Variants in VPS35L observed in about 807,000 individuals in gnomAD.
VPS35L encodes the protein VPS35 endosomal protein-sorting factor-like.
In VPS35L, 83 loss-of-function variants were observed where a neutral mutation model predicts 133.0. The ratio of observed to expected loss-of-function variants is 0.62; its 90% CI spans 0.52 to 0.75. The LOEUF (loss-of-function observed/expected upper bound fraction) is 0.75, where lower values mean the gene tolerates loss of function less well. Ranked by LOEUF, VPS35L falls within the 30% of genes least tolerant of loss-of-function variation. VPS35L has a pLI of 0.00. For synonymous variants in VPS35L, 423 were observed against 449.9 expected, an observed-to-expected ratio of 0.94 and a Z score of 0.76; for missense variants, 1,083 against 1,206.8, an observed-to-expected ratio of 0.90 and a Z score of 1.52.
chr16:19,573,024 C>T, intron 3 of VPS35L, 95 bp from the exon 4 acceptor site: 1 of 1,330,748 alleles, frequency 7.5e-7, no homozygotes, highest in Non-Finnish European at 1.0e-6. Context: ...TCTTTTATTC[C>T]ACAGTAAAGG....
intron 29 of VPS35L, among the ~76,000 whole-genome samples, chr16:19,692,930 C>T (rs2151627705): frequency 6.6e-6 from 1 of 152,320 alleles, no homozygotes; most frequent in South Asian, 2.1e-4. Flanking sequence ...TTCTGGCCTC[C>T]AAGTTCAGGG....
intron 12 of VPS35L, among the ~76,000 whole-genome samples, chr16:19,615,069 G>A (rs879240718): frequency 4.6e-5 from 7 of 152,248 alleles, no homozygotes; most frequent in Admixed American, 2.0e-4. Context: ...AGCATGTAAC[G>A]GGGGCAGCAC....
At chr16:19,617,178 A>G (rs938035992) in intron 14 of VPS35L, 2 of 538,284 alleles carry the variant, frequency 3.7e-6, no homozygotes, top group Non-Finnish European at 6.6e-6. Flanking sequence ...CAACATAGCA[A>G]AACTCCATCT....
chr16:19,559,091 G>T (rs1196577814), intron 1 of VPS35L, among the ~76,000 whole-genome samples: 1 of 152,204 alleles, frequency 6.6e-6, no homozygotes, highest in Non-Finnish European at 1.5e-5. Flanking sequence ...AATTAAAATA[G>T]TTGAGCAAAG....
chr16:19,590,691 G>GT (rs1165941078), intron 7 of VPS35L, among the ~76,000 whole-genome samples: 2 of 152,140 alleles, frequency 1.3e-5, no homozygotes. Flanking sequence ...GCTCATACCT[G>GT]TATTTCCAGC....
chr16:19,628,776 TTTTTA>T, intron 17 of VPS35L, 23 bp downstream of exon 17: 1 of 923,574 alleles, frequency 1.1e-6, no homozygotes. Context: ...TTTATTTTTA[TTTTTA>T]TTTATTTATT....
At chr16:19,669,439 C>A in intron 27 of VPS35L, 140 bp downstream of exon 27, 1 of 1,073,172 alleles carries the variant, frequency 9.3e-7, no homozygotes, top group Non-Finnish European at 1.3e-6. Flanking sequence ...ATTTGAATTG[C>A]TTAATGAATT....
Position 19,564,929 on chromosome 16 carries a change from T to C in VPS35L, c.96T>C (p.Tyr32=). 1 of 1,612,140 alleles carries C rather than the reference T, an allele frequency of 6.2e-7. No individual in the cohort carries two copies. The highest frequency in any genetic ancestry group is 8.5e-7 in the Non-Finnish European group (1 of 1,178,278). Residue 32 remains tyrosine, a synonymous_variant, in exon 2 of 31, where the codon TAT becomes TAC. Coordinates refer to ENST00000417362, the MANE Select transcript of VPS35L (RefSeq NM_020314.7). ...CTGTACCATTGGAGTTTGGGGACTA[T>C]CACCCTCTGAAACCCATAACTGTAA... ...LEAVPLEFGD[Y]HPLKPITVTE...
intron 1 of VPS35L, among the ~76,000 whole-genome samples, chr16:19,559,902 G>A (rs1252264765): frequency 6.6e-6 from 1 of 151,976 alleles, no homozygotes; most frequent in Non-Finnish European, 1.5e-5. Context: ...TGGCCAGGCT[G>A]GTCTCGAACT....
intron 3 of VPS35L, among the ~76,000 whole-genome samples, chr16:19,570,034 T>G (rs959797030): frequency 1.3e-5 from 2 of 152,052 alleles, no homozygotes; most frequent in African/African-American, 4.8e-5. Flanking sequence ...GTCTTTTTGT[T>G]TTTTTGTTTG....
At chr16:19,614,863 A>G (rs559078758) in intron 12 of VPS35L, among the ~76,000 whole-genome samples, 4 of 152,282 alleles carry the variant, frequency 2.6e-5, no homozygotes, top group African/African-American at 9.6e-5. Flanking sequence ...CAGTACTGGC[A>G]CCTTCTCTAT....
At chr16:19,684,362 A>G (rs1975386295) in intron 28 of VPS35L, among the ~76,000 whole-genome samples, 4 of 152,210 alleles carry the variant, frequency 2.6e-5, no homozygotes, top group Admixed American at 2.6e-4. Context: ...TTTACAGTTA[A>G]AAAACCAACT....
chr16:19,643,775 G>A (rs935511078), intron 22 of VPS35L, among the ~76,000 whole-genome samples: 3 of 148,900 alleles, frequency 2.0e-5, no homozygotes, highest in South Asian at 2.1e-4. Flanking sequence ...GTGAAACCCC[G>A]TCTCTACTTT....
intron 7 of VPS35L, 136 bp downstream of exon 7, chr16:19,581,789 G>A: frequency 9.7e-7 from 1 of 1,030,456 alleles, no homozygotes; most frequent in Non-Finnish European, 1.4e-6. Context: ...TATACTTCCT[G>A]TGAAAAGCCA....
intron 26 of VPS35L, among the ~76,000 whole-genome samples, chr16:19,655,586 A>G (rs1974271866): frequency 6.6e-6 from 1 of 152,068 alleles, no homozygotes; most frequent in Non-Finnish European, 1.5e-5. Context: ...CTCCTGTTGA[A>G]CCCTCAGGCA....
chr16:19,626,621 G>T lies in VPS35L; in HGVS notation c.1271+398G>T, dbSNP rs56293543. On this transcript the variant is annotated intron_variant, in intron 15 of 30. Coordinates refer to ENST00000417362, the MANE Select transcript of VPS35L (RefSeq NM_020314.7). ...TACTAAAAATACAATAACTAGCCGG[G>T]CTTGGTGGTGTATGCCTGTAGTCGC... 5.8e-3 allele frequency among the ~76,000 whole-genome samples: 882 copies of T among 152,068 alleles called. 11 individuals carry two copies. The highest frequency in any genetic ancestry group is 0.02 in the African/African-American group (822 of 41,482).
chr16:19,600,259 A>G (rs1042192189), intron 8 of VPS35L, among the ~76,000 whole-genome samples: 8 of 21,632 alleles, frequency 3.7e-4, no homozygotes, highest in Non-Finnish European at 6.2e-4. Flanking sequence ...AAGGGTTATG[A>G]AAAAAAAAAA....
At position 19,700,441 on chromosome 16, in the gene VPS35L, C is replaced by G. The variant is rs1269520145; in HGVS notation, c.2857C>G (p.Leu953Val). 6.2e-6 allele frequency: 10 copies of G among 1,614,078 alleles called. No individual in the cohort carries two copies. In the African/African-American group the frequency reaches 6.7e-5, roughly 11 times the overall value. ...KQPDMTHLTELALRLPLQTRT is the reference protein window; with the variant it reads ...KQPDMTHLTEVALRLPLQTRT Reference sequence around the variant, plus strand: ...ACCAGACATGACTCATCTGACGGAGCTGGCCCTCAGACTCCCTCTGCAAAC... The same window carrying G: ...ACCAGACATGACTCATCTGACGGAGGTGGCCCTCAGACTCCCTCTGCAAAC... Residue 953 changes from leucine to valine, a missense_variant, in exon 31 of 31, where the codon CTG becomes GTG. Coordinates refer to ENST00000417362, the MANE Select transcript of VPS35L (RefSeq NM_020314.7).
At chr16:19,657,189 A>T (rs770368780) in intron 26 of VPS35L, among the ~76,000 whole-genome samples, 4 of 151,472 alleles carry the variant, frequency 2.6e-5, no homozygotes, top group Non-Finnish European at 4.4e-5. Context: ...CTGGTCTCAA[A>T]CTCCTGAACT....
Sources: gnomAD v4.1 joint callset for allele counts (sites outside exome capture counted in the v4.1 genomes callset) on GRCh38, gnomAD v4.1.1 for gene constraint, MANE v1.5 for transcripts, NCBI Gene and HGNC (gene_info 2026-07-23, HGNC 2026-07-21) for gene names.